The following AHCYL2 variants were observed in gnomAD, a reference collection of about 807,000 sequenced individuals.
AHCYL2 encodes the protein S-adenosylhomocysteine hydrolase-like protein 2.
In AHCYL2, 28 loss-of-function variants were observed where a neutral mutation model predicts 81.4. That is an observed-to-expected ratio of 0.34 (90% CI 0.25 to 0.47). The LOEUF (loss-of-function observed/expected upper bound fraction) is 0.47, where lower values mean the gene tolerates loss of function less well. Among genes scored for constraint, AHCYL2 ranks in the 20% least tolerant of loss-of-function variants. The probability of loss-of-function intolerance (pLI) is 1.00; values close to 1 mark genes in which losing one functional copy is unlikely to be tolerated. For missense variants in AHCYL2, 551 were observed against 785.1 expected, an observed-to-expected ratio of 0.70 and a Z score of 3.56; for synonymous variants, 272 against 290.2, an observed-to-expected ratio of 0.94 and a Z score of 0.64.
At chr7:129,363,337 A>T (rs1246292860) in intron 1 of AHCYL2, among the ~76,000 whole-genome samples, 1 of 152,216 alleles carries the variant, frequency 6.6e-6, no homozygotes. Context: ...CCTATACCTT[A>T]TGCCTTACAC....
Position 129,281,061 on chromosome 7 carries a change from C to A in AHCYL2, c.363+55622C>A, listed in dbSNP as rs181603596. 3.9e-5 allele frequency among the ~76,000 whole-genome samples: 6 copies of A among 152,110 alleles called. No individual in the cohort carries two copies. The East Asian group carries it at 1.2e-3, about 29-fold the overall frequency. ...TGTATTTTTAGTAGAGATGGGGTTT[C>A]ACCATGTTAGCCAGGATGGTCTCGA... On this transcript the variant is annotated intron_variant, in intron 1 of 16. Transcript: ENST00000325006.
intron 1 of AHCYL2, among the ~76,000 whole-genome samples, chr7:129,367,826 ATCT>A (rs1373778228): frequency 6.6e-6 from 1 of 152,192 alleles, no homozygotes; most frequent in Non-Finnish European, 1.5e-5. Flanking sequence ...TTTGAAAAAG[ATCT>A]TCCTAGGCTC....
In AHCYL2 at chr7:129,368,232, G is replaced by T; in HGVS notation, c.364-11406G>T. 7.5e-7 allele frequency: 1 copy of T among 1,334,690 alleles called. No homozygotes were observed. Among genetic ancestry groups the T allele is most frequent in the Admixed American group, 3.4e-5 (1 of 29,734 alleles). The allele number at this position is 1,334,690 out of a possible 1,614,324, so 82.7% of individuals were successfully genotyped here. A position where few individuals can be genotyped will look rare whatever the true frequency, so the allele number is the denominator to read the frequency against. On this transcript the variant is annotated intron_variant, in intron 1 of 16. Coordinates refer to ENST00000325006, the MANE Select transcript of AHCYL2 (RefSeq NM_015328.4). This position sits in a 1 kb window ranked among gnomAD's most constrained non-coding sequence, Gnocchi z 4.4. The stretch of plus-strand genomic sequence containing the variant: ...TGCCCTGTGAGAAGCACAGTGCCTG[G>T]GTGCAGCACTTTGCATCAGCTCTGA...
chr7:129,311,290 G>A lies in AHCYL2; in HGVS notation c.364-68348G>A, dbSNP rs1338891214. ...GATTGGCCTTATTTACATAGAAACA[G>A]GATATCTTATACAGTAAGAGACCTA... On this transcript the variant is annotated intron_variant, in intron 1 of 16. Transcript: ENST00000325006. 3.9e-5 allele frequency among the ~76,000 whole-genome samples: 6 copies of A among 152,170 alleles called. No homozygotes were observed. In the East Asian group the frequency reaches 1.2e-3, roughly 29 times the overall value.
rs191629811 is a variant in AHCYL2, at chr7:129,290,020, G to T, written c.363+64581G>T. ...TGGTCTCGAACTCTTGACCTCAGGT[G>T]ATCCTCCCGCCTCGGCCTCCCAAAG... On this transcript the variant is annotated intron_variant, in intron 1 of 16. Transcript: ENST00000325006. 9.2e-5 allele frequency among the ~76,000 whole-genome samples: 14 copies of T among 152,004 alleles called. No individual in the cohort carries two copies. In the East Asian group the frequency reaches 2.7e-3, roughly 30 times the overall value.
intron 1 of AHCYL2, among the ~76,000 whole-genome samples, chr7:129,248,809 T>C (rs559108177): frequency 9.2e-5 from 14 of 152,202 alleles, no homozygotes; most frequent in African/African-American, 3.1e-4. Context: ...TACATGAACA[T>C]GGAACTTCTC....
chr7:129,320,562 C>T (rs1797978301), intron 1 of AHCYL2, among the ~76,000 whole-genome samples: 3 of 152,156 alleles, frequency 2.0e-5, no homozygotes, highest in South Asian at 2.1e-4. Context: ...AGTGATCCAC[C>T]GCCCATCCCA....
intron 1 of AHCYL2, among the ~76,000 whole-genome samples, chr7:129,231,749 A>G (rs1794448777): frequency 1.3e-5 from 2 of 152,196 alleles, no homozygotes; most frequent in African/African-American, 4.8e-5. Flanking sequence ...ATTTGGTGAG[A>G]GCAGAGCAGA....
chr7:129,252,930 C>T (rs544372732), intron 1 of AHCYL2, among the ~76,000 whole-genome samples: 48 of 150,824 alleles, frequency 3.2e-4, no homozygotes, highest in Admixed American at 4.6e-4. Flanking sequence ...CAAAGGTAGC[C>T]GGGCACGGTG....
chr7:129,327,753 C>T (rs148196556), intron 1 of AHCYL2, among the ~76,000 whole-genome samples: 130 of 151,778 alleles, frequency 8.6e-4, no homozygotes, highest in Middle Eastern at 6.9e-3. Flanking sequence ...CGTGAGCCAC[C>T]GTACCTGGCC....
In AHCYL2 at chr7:129,225,356, C is replaced by T. The variant is rs1215990011; in HGVS notation, c.280C>T (p.Gln94Ter). ...SAMKRSDPHHQHQRHRDGGEA... is the reference protein window; with the variant it reads ...SAMKRSDPHH ...CATGAAGCGGAGCGACCCACATCAC[C>T]AGCACCAGCGGCACCGCGACGGCGG... The change falls in exon 1 of 17, where the codon CAG becomes TAG. Residue 94 changes from glutamine to a stop codon, truncating the protein, a stop_gained. Coordinates refer to ENST00000325006, the MANE Select transcript of AHCYL2 (RefSeq NM_015328.4). LOFTEE classifies it high-confidence loss of function. 1 of 1,516,444 alleles carries T rather than the reference C, an allele frequency of 6.6e-7. No individual in the cohort carries two copies. The highest frequency in any genetic ancestry group is 1.2e-5 in the South Asian group (1 of 83,298). 93.9% of individuals were successfully genotyped at this position (1,516,444 alleles called of 1,614,324 possible). A position where few individuals can be genotyped will look rare whatever the true frequency, so the allele number is the denominator to read the frequency against.
intron 1 of AHCYL2, among the ~76,000 whole-genome samples, chr7:129,367,759 G>A (rs1012606307): frequency 6.6e-6 from 1 of 152,350 alleles, no homozygotes; most frequent in African/African-American, 2.4e-5. Context: ...AGCACAGGGA[G>A]CCAGCAGAGG....
chr7:129,245,978 A>G (rs1795041111), intron 1 of AHCYL2, among the ~76,000 whole-genome samples: 1 of 152,172 alleles, frequency 6.6e-6, no homozygotes, highest in South Asian at 2.1e-4. Flanking sequence ...TCAGTGTACA[A>G]GGATTCTAAT....
chr7:129,333,920 C>T (rs1210232198), intron 1 of AHCYL2, among the ~76,000 whole-genome samples: 1 of 152,114 alleles, frequency 6.6e-6, no homozygotes, highest in Non-Finnish European at 1.5e-5. Flanking sequence ...TCTAATTATA[C>T]ACATATGAGT....
intron 1 of AHCYL2, among the ~76,000 whole-genome samples, chr7:129,256,549 A>ACTC (rs1213535960): frequency 9.4e-5 from 6 of 63,742 alleles, no homozygotes; most frequent in Admixed American, 1.8e-4. Context: ...CCCACCCCCC[A>ACTC]CCCCCCCCCC....
chr7:129,426,673 T>C lies in AHCYL2; in HGVS notation c.1829+110T>C. ...ATATGCTTACATGAACTCAGAAAAATGAACCCACTTCCCCTCACTGCCACC... is the reference window on the plus strand; with the variant it reads ...ATATGCTTACATGAACTCAGAAAAACGAACCCACTTCCCCTCACTGCCACC... On this transcript the variant is annotated intron_variant, in intron 16 of 16. Coordinates refer to ENST00000325006, the MANE Select transcript of AHCYL2 (RefSeq NM_015328.4). This position sits in a 1 kb window ranked among gnomAD's most constrained non-coding sequence, Gnocchi z 4.3. 7.0e-7 allele frequency: 1 copy of C among 1,435,738 alleles called. No homozygotes were observed. Among genetic ancestry groups the C allele is most frequent in the African/African-American group, 1.4e-5 (1 of 69,264 alleles). 88.9% of individuals were successfully genotyped at this position (1,435,738 alleles called of 1,614,324 possible).
At chr7:129,392,277 A>G (rs538802438) in intron 4 of AHCYL2, among the ~76,000 whole-genome samples, 4 of 152,304 alleles carry the variant, frequency 2.6e-5, no homozygotes, top group East Asian at 1.9e-4. Flanking sequence ...ATAACAAAAT[A>G]CCTTAGACTG....
chr7:129,266,844 TAAAC>T (rs1795826888), intron 1 of AHCYL2, among the ~76,000 whole-genome samples: 1 of 152,304 alleles, frequency 6.6e-6, no homozygotes, highest in East Asian at 1.9e-4. Context: ...CAAAAGATAT[TAAAC>T]AAAGATGATT....
At chr7:129,395,226 T>C (rs1000541455) in intron 4 of AHCYL2, among the ~76,000 whole-genome samples, 2 of 152,220 alleles carry the variant, frequency 1.3e-5, no homozygotes, top group East Asian at 1.9e-4. Context: ...CTTCTGCACA[T>C]GTGTGCCACA....
Sources: allele counts gnomAD v4.1 joint callset (sites outside exome capture counted in the v4.1 genomes callset), GRCh38; gene constraint gnomAD v4.1.1; non-coding constraint Gnocchi (gnomAD v3.1); transcripts MANE v1.5; gene names NCBI Gene and HGNC (gene_info 2026-07-23, HGNC 2026-07-21).